The following FAM13A variants were observed in gnomAD, a reference collection of about 807,000 sequenced individuals.
FAM13A encodes the protein protein FAM13A.
A neutral mutation model predicts 129.6 loss-of-function variants in FAM13A; 76 were observed. The ratio of observed to expected loss-of-function variants is 0.59; its 90% CI spans 0.49 to 0.71. FAM13A has a LOEUF of 0.71. FAM13A is among the 30% of genes least tolerant of loss of function. The pLI, the probability that FAM13A is intolerant of heterozygous loss-of-function variation, is 0.00. For missense variants in FAM13A, 1,108 were observed against 1,249.3 expected (o/e 0.89, Z 1.70); for synonymous variants, 443 against 449.9 (o/e 0.98, Z 0.20).
chr4:88,753,227 GA>G (rs1379694306), intron 14 of FAM13A, among the ~76,000 whole-genome samples: 4 of 152,166 alleles, frequency 2.6e-5, no homozygotes, highest in African/African-American at 9.7e-5. Context: ...TGTGTGATAA[GA>G]TAAACTGATC....
intron 8 of FAM13A, among the ~76,000 whole-genome samples, chr4:88,792,038 G>A (rs1725280968): frequency 6.6e-6 from 1 of 152,052 alleles, no homozygotes; most frequent in Admixed American, 6.6e-5. Flanking sequence ...ATGTGATTAG[G>A]TAAAAGGGAA....
chr4:88,809,389 G>A (rs531417468), intron 7 of FAM13A, among the ~76,000 whole-genome samples: 1 of 152,202 alleles, frequency 6.6e-6, no homozygotes, highest in Admixed American at 6.6e-5. Context: ...ATTTCTAAGT[G>A]GTTTGAGACA....
At chr4:88,941,627 G>C (rs576442996) in intron 4 of FAM13A, among the ~76,000 whole-genome samples, 34 of 152,322 alleles carry the variant, frequency 2.2e-4, no homozygotes, top group African/African-American at 7.5e-4. Flanking sequence ...TGATGTCTCT[G>C]AGACTCCTTG....
chr4:88,777,375 C>T lies in FAM13A; in HGVS notation c.1458+3790G>A, dbSNP rs781540846. Among the ~76,000 whole-genome samples, 4 of 152,018 alleles carry T rather than the reference C, an allele frequency of 2.6e-5. No individual in the cohort carries two copies. In the South Asian group the frequency reaches 6.2e-4, roughly 24 times the overall value. On this transcript the variant is annotated intron_variant, in intron 11 of 23. Coordinates refer to ENST00000264344, the MANE Select transcript of FAM13A (RefSeq NM_014883.4). ...GAAGTGAGGGAAGTTGAAACAGAAG[C>T]GGGTTATTTCAGCTCTTCAAAGTAA...
At chr4:88,857,564 G>A (rs974058543) in intron 6 of FAM13A, among the ~76,000 whole-genome samples, 1 of 150,798 alleles carries the variant, frequency 6.6e-6, no homozygotes, top group African/African-American at 2.4e-5. Flanking sequence ...GGGAGGCGGA[G>A]GTTGCAGTGA....
intron 6 of FAM13A, among the ~76,000 whole-genome samples, chr4:88,871,823 A>T (rs1741448972): frequency 6.7e-6 from 1 of 149,794 alleles, no homozygotes; most frequent in South Asian, 2.1e-4. Context: ...CAAGAAAAGC[A>T]ACCCCAAGAC....
intron 11 of FAM13A, among the ~76,000 whole-genome samples, 178 bp downstream of exon 11, chr4:88,780,987 G>A (rs372816873): frequency 5.3e-5 from 8 of 150,752 alleles, no homozygotes; most frequent in African/African-American, 1.2e-4. Flanking sequence ...AATATTTCTC[G>A]GCCTTAATTT....
intron 10 of FAM13A, among the ~76,000 whole-genome samples, chr4:88,785,120 T>C (rs1422085346): frequency 2.0e-5 from 3 of 152,166 alleles, no homozygotes; most frequent in Non-Finnish European, 4.4e-5. Flanking sequence ...TCTACTCATC[T>C]TGAAACATAG....
chr4:88,745,129 G>A (rs1346175771), intron 19 of FAM13A, among the ~76,000 whole-genome samples: 1 of 152,128 alleles, frequency 6.6e-6, no homozygotes, highest in Non-Finnish European at 1.5e-5. Context: ...CTTCCTCAGT[G>A]ACAGACATCC....
chr4:88,876,798 A>G (rs907395837), intron 6 of FAM13A, among the ~76,000 whole-genome samples: 3 of 152,092 alleles, frequency 2.0e-5, no homozygotes, highest in Non-Finnish European at 4.4e-5. Context: ...TCACCATGTT[A>G]GCCAGGATGG....
chr4:88,858,297 A>G (rs1312711462), intron 6 of FAM13A, among the ~76,000 whole-genome samples: 1 of 152,240 alleles, frequency 6.6e-6, no homozygotes, highest in Non-Finnish European at 1.5e-5. Context: ...TATTTGCTCA[A>G]TTCTCTGACT....
At chr4:88,753,428 A>C (rs1743040506) in intron 14 of FAM13A, among the ~76,000 whole-genome samples, 1 of 152,228 alleles carries the variant, frequency 6.6e-6, no homozygotes, top group African/African-American at 2.4e-5. Context: ...CCCATGGTAT[A>C]CACGAAATAC....
At chr4:88,802,499 G>A (rs1259848803) in intron 8 of FAM13A, among the ~76,000 whole-genome samples, 2 of 152,136 alleles carry the variant, frequency 1.3e-5, no homozygotes, top group East Asian at 1.9e-4. Context: ...ATGAGTGTGT[G>A]TCTATTTATA....
intron 14 of FAM13A, among the ~76,000 whole-genome samples, chr4:88,752,810 G>A (rs1210192448): frequency 1.3e-5 from 2 of 152,150 alleles, no homozygotes; most frequent in African/African-American, 4.8e-5. Flanking sequence ...CTATTAAACT[G>A]ACCAGCTTGC....
At chr4:88,746,667 A>C (rs1741405174) in intron 19 of FAM13A, among the ~76,000 whole-genome samples, 1 of 152,160 alleles carries the variant, frequency 6.6e-6, no homozygotes, top group South Asian at 2.1e-4. Flanking sequence ...CCTTCCTTTA[A>C]AGCGGTACAT....
rs1297925550 is a variant in FAM13A at position 88,999,041 on chromosome 4, T to G, written c.428-7891A>C. Reference sequence around the variant, plus strand: ...TACGAATCTTATCATTCTGATTAGATTCTGCAAAATGCAGAGGTATGTTTA... The same window carrying G: ...TACGAATCTTATCATTCTGATTAGAGTCTGCAAAATGCAGAGGTATGTTTA... On this transcript the variant is annotated intron_variant, in intron 3 of 23. Coordinates refer to ENST00000264344, the MANE Select transcript of FAM13A (RefSeq NM_014883.4). Among the ~76,000 whole-genome samples, 4 of 152,208 alleles carry G rather than the reference T, an allele frequency of 2.6e-5. No homozygotes were observed. In the East Asian group the frequency reaches 7.7e-4, roughly 29 times the overall value.
intron 23 of FAM13A, 23 bp from the exon 24 acceptor site, chr4:88,728,682 G>C (rs1736889074): frequency 6.8e-6 from 11 of 1,613,338 alleles, no homozygotes; most frequent in African/African-American, 1.3e-5. Context: ...AAGGAAAAAG[G>C]GGTCTGAGGA....
intron 7 of FAM13A, among the ~76,000 whole-genome samples, chr4:88,835,642 G>A (rs532308596): frequency 3.6e-4 from 55 of 152,124 alleles, no homozygotes; most frequent in African/African-American, 1.2e-3. Context: ...TGGGGGAGAT[G>A]GGAGACAGTG....
intron 1 of FAM13A, among the ~76,000 whole-genome samples, chr4:89,047,923 G>A (rs1771077555): frequency 6.6e-6 from 1 of 152,146 alleles, no homozygotes; most frequent in Non-Finnish European, 1.5e-5. Flanking sequence ...CATTACTCAT[G>A]AAGAAATTGA....
Sources: allele counts gnomAD v4.1 joint callset (sites outside exome capture counted in the v4.1 genomes callset), GRCh38; gene constraint gnomAD v4.1.1; transcripts MANE v1.5; gene names NCBI Gene and HGNC (gene_info 2026-07-23, HGNC 2026-07-21).